Variants in UGT1A8 observed in about 807,000 individuals in gnomAD.
The protein encoded by UGT1A8 is UDP-glucuronosyltransferase 1A8.
UGT1A8 carries 39 observed loss-of-function variants against 45.3 expected under a neutral mutation model. The observed-to-expected ratio is 0.86, with a 90% CI of 0.67 to 1.12. UGT1A8 has a LOEUF of 1.12. UGT1A8 is among the 50% of genes most tolerant of loss of function. The probability of loss-of-function intolerance (pLI) is 0.00; values close to 1 mark genes in which losing one functional copy is unlikely to be tolerated. For missense variants in UGT1A8, 719 were observed against 664.9 expected (o/e 1.08, Z -0.90); for synonymous variants, 275 against 249.2 (o/e 1.10, Z -0.97).
chr2:233,669,588 T>C (rs559068232), intron 1 of UGT1A8, among the ~76,000 whole-genome samples: 3 of 152,332 alleles, frequency 2.0e-5, no homozygotes, highest in Non-Finnish European at 4.4e-5. Flanking sequence ...TTTTCAATTG[T>C]TCATTGCTAG....
chr2:233,678,395 G>A (rs1432950526), intron 1 of UGT1A8, among the ~76,000 whole-genome samples: 2 of 152,186 alleles, frequency 1.3e-5, no homozygotes, highest in Non-Finnish European at 2.9e-5. Context: ...GGAGGAGGAG[G>A]AGTAGATGTT....
chr2:233,643,784 G>C (rs2073525679), intron 1 of UGT1A8, among the ~76,000 whole-genome samples: 3 of 152,100 alleles, frequency 2.0e-5, no homozygotes, highest in East Asian at 1.9e-4. Flanking sequence ...GCAGGACTGG[G>C]CCCTTTCTTT....
chr2:233,679,856 A>G (rs899932288), intron 1 of UGT1A8, among the ~76,000 whole-genome samples: 3 of 152,178 alleles, frequency 2.0e-5, no homozygotes, highest in Admixed American at 6.5e-5. Context: ...ATTGGCATCT[A>G]TAAATAAGCC....
intron 1 of UGT1A8, chr2:233,730,094 A>C: frequency 6.3e-7 from 1 of 1,593,062 alleles, no homozygotes; most frequent in Non-Finnish European, 8.5e-7. Flanking sequence ...ATCTTTCCAA[A>C]TATTTCATTT....
intron 1 of UGT1A8, among the ~76,000 whole-genome samples, chr2:233,669,482 T>C (rs1194082451): frequency 1.3e-5 from 2 of 152,214 alleles, no homozygotes; most frequent in Admixed American, 1.3e-4. Flanking sequence ...ACCAATGTTT[T>C]GTTGTTTTCA....
intron 1 of UGT1A8, chr2:233,713,437 T>G: frequency 6.2e-7 from 1 of 1,614,192 alleles, no homozygotes; most frequent in Non-Finnish European, 8.5e-7. Flanking sequence ...TTTGATGTGG[T>G]TCTAACAGAC....
chr2:233,702,494 C>A (rs374252732), intron 1 of UGT1A8, among the ~76,000 whole-genome samples: 38 of 152,118 alleles, frequency 2.5e-4, no homozygotes, highest in African/African-American at 9.2e-4. Context: ...CCTCTAGTAC[C>A]GTGTTGAATA....
chr2:233,708,348 TC>T (rs1318503121), intron 1 of UGT1A8: 2 of 152,232 alleles, frequency 1.3e-5, no homozygotes, highest in African/African-American at 4.8e-5. Flanking sequence ...AATTTTCATT[TC>T]CCTTATTAAT....
chr2:233,768,582 C>CTTTT (rs139595073), intron 4 of UGT1A8, 143 bp downstream of exon 4: 40 of 1,033,114 alleles, frequency 3.9e-5, no homozygotes, highest in African/African-American at 2.8e-4. Context: ...TTTATTTCTT[C>CTTTT]TTTTTTTTTT....
chr2:233,723,457 G>A (rs1279798549), intron 1 of UGT1A8, among the ~76,000 whole-genome samples: 3 of 136,216 alleles, frequency 2.2e-5, no homozygotes, highest in African/African-American at 5.8e-5. Context: ...TGATCCACCC[G>A]CCTCAGCCTC....
chr2:233,690,705 G>T (rs563167001), intron 1 of UGT1A8: 10 of 1,228,730 alleles, frequency 8.1e-6, no homozygotes, highest in Non-Finnish European at 1.0e-5. Context: ...TTTAGGGATC[G>T]TCATTATGAC....
At chr2:233,690,753 G>GCA in intron 1 of UGT1A8, 1 of 1,161,250 alleles carries the variant, frequency 8.6e-7, no homozygotes, top group South Asian at 1.6e-5. Context: ...AGTGTCCAGT[G>GCA]CAGACATACA....
rs767667233 is a variant in UGT1A8, at chr2:233,769,803, C to T, written c.1295+1364C>T. ...CCAGAAGTTGGAGGCTGCTATGAGC[C>T]GTGATCATGCCACTGCACTCCAGCA... On this transcript the variant is annotated intron_variant, in intron 4 of 4. Coordinates refer to ENST00000373450, the MANE Select transcript of UGT1A8 (RefSeq NM_019076.5). This position sits in a 1 kb window ranked among gnomAD's most constrained non-coding sequence, Gnocchi z 4.4. 8.1e-6 allele frequency: 9 copies of T among 1,113,138 alleles called. No homozygotes were observed. Among genetic ancestry groups the T allele is most frequent in the Admixed American group, 3.0e-5 (1 of 33,080 alleles). 69.0% of individuals were successfully genotyped at this position (1,113,138 alleles called of 1,614,324 possible).
intron 1 of UGT1A8, chr2:233,743,663 T>A (rs200311210): frequency 3.0e-5 from 41 of 1,366,854 alleles, no homozygotes; most frequent in Non-Finnish European, 3.9e-5. Context: ...CTCGAAGGGG[T>A]CCTCGAAGGG....
At chr2:233,654,409 C>T (rs1444025215) in intron 1 of UGT1A8, among the ~76,000 whole-genome samples, 2 of 152,156 alleles carry the variant, frequency 1.3e-5, no homozygotes, top group Non-Finnish European at 2.9e-5. Context: ...TGTTTCTTAG[C>T]ATAACCTGTA....
intron 1 of UGT1A8, among the ~76,000 whole-genome samples, chr2:233,650,259 C>T (rs866702011): frequency 6.6e-6 from 1 of 152,140 alleles, no homozygotes; most frequent in Non-Finnish European, 1.5e-5. Context: ...TGTGAGCCAC[C>T]GTACCTGGCC....
At chr2:233,715,615 T>C (rs1446871152) in intron 1 of UGT1A8, among the ~76,000 whole-genome samples, 1 of 151,806 alleles carries the variant, frequency 6.6e-6, no homozygotes, top group Non-Finnish European at 1.5e-5. Flanking sequence ...CTACAAAAAA[T>C]TAAAAAATTA....
chr2:233,623,624 A>T (rs961667413), intron 1 of UGT1A8, among the ~76,000 whole-genome samples: 10 of 152,156 alleles, frequency 6.6e-5, no homozygotes, highest in East Asian at 3.9e-4. Flanking sequence ...GACAGTAAAA[A>T]TTTTTTAATA....
intron 1 of UGT1A8, chr2:233,691,437 T>C (rs1475657913): frequency 1.0e-6 from 1 of 985,518 alleles, no homozygotes; most frequent in Non-Finnish European, 1.2e-6. Flanking sequence ...TTGCTCAGGC[T>C]TCTTCTCCCT....
Sources: gnomAD v4.1 joint callset for allele counts (sites outside exome capture counted in the v4.1 genomes callset) on GRCh38, gnomAD v4.1.1 for gene constraint, Gnocchi (gnomAD v3.1) non-coding constraint, MANE v1.5 for transcripts, NCBI Gene and HGNC (gene_info 2026-07-23, HGNC 2026-07-21) for gene names.